CENPE: variants seen among roughly 807,000 people sequenced by gnomAD.
The protein encoded by CENPE is centromere protein E, also known as centromere-associated protein E.
Under a neutral mutation model 336.1 loss-of-function variants are expected in CENPE, and 145 were observed. The observed-to-expected ratio is 0.43, with a 90% CI of 0.38 to 0.50. CENPE has a LOEUF of 0.50. Among genes scored for constraint, CENPE ranks in the 20% least tolerant of loss-of-function variants. The probability of loss-of-function intolerance (pLI) is 0.00; values close to 1 mark genes in which losing one functional copy is unlikely to be tolerated. For synonymous variants in CENPE, 1,013 were observed against 984.8 expected, an observed-to-expected ratio of 1.03 and a Z score of -0.54; for missense variants, 2,719 against 3,023.3, an observed-to-expected ratio of 0.90 and a Z score of 2.36.
At position 103,151,359 on chromosome 4, in the gene CENPE, C is replaced by T. The variant is rs1219725195; in HGVS notation, c.3256G>A (p.Glu1086Lys). The T allele has an allele frequency of 1.9e-6, 3 of 1,580,090 alleles. No individual in the cohort carries two copies. The African/African-American group carries it at 4.1e-5, about 22-fold the overall frequency. ...NIEMTIENQE[E>K]LRLLGDELKK... ...AGTTCATCCCCAAGAAGTCTTAATTCTTCCTGGTTTTCAATGGTCTAGAAA... is the reference window on the plus strand; with the variant it reads ...AGTTCATCCCCAAGAAGTCTTAATTTTTCCTGGTTTTCAATGGTCTAGAAA... Residue 1086 changes from glutamate to lysine, a missense_variant, in exon 26 of 49, where the codon GAA (glutamate) becomes AAA (lysine). Physicochemically the swap from Glu to Lys is moderately conservative, Grantham distance 56. Coordinates refer to ENST00000265148, the MANE Select transcript of CENPE (RefSeq NM_001813.3).
At chr4:103,160,424 A>G (rs958525058) in intron 21 of CENPE, among the ~76,000 whole-genome samples, 1 of 152,004 alleles carries the variant, frequency 6.6e-6, no homozygotes, top group Non-Finnish European at 1.5e-5. Context: ...TACACCTTGA[A>G]AAAATATATT....
intron 42 of CENPE, among the ~76,000 whole-genome samples, chr4:103,129,748 A>AAAAC (rs60074553): frequency 0.35 from 53,176 of 151,578 alleles, 9,478 homozygotes; most frequent in Middle Eastern, 0.47. Flanking sequence ...AATAAAATAA[A>AAAAC]AAACAAAGAT....
At chr4:103,139,245 G>T (rs912062633) in intron 38 of CENPE, among the ~76,000 whole-genome samples, 3 of 152,090 alleles carry the variant, frequency 2.0e-5, no homozygotes, top group African/African-American at 4.8e-5. Context: ...GAATAAAAAA[G>T]ATTTTTACAG....
At chr4:103,143,437 T>C (rs1752734442) in intron 33 of CENPE, 31 bp from the exon 34 acceptor site, 2 of 1,389,082 alleles carry the variant, frequency 1.4e-6, no homozygotes. Flanking sequence ...AAATAATACA[T>C]TGAGAGTAGT....
At chr4:103,154,864 G>A (rs2125955326) in intron 24 of CENPE, among the ~76,000 whole-genome samples, 1 of 152,136 alleles carries the variant, frequency 6.6e-6, no homozygotes, top group Middle Eastern at 3.4e-3. Context: ...TCCAGAAACA[G>A]ACACATCAAG....
At position 103,120,205 on chromosome 4, in the gene CENPE, T is replaced by G; in HGVS notation, c.7272A>C (p.Lys2424Asn). 6.2e-7 allele frequency: 1 copy of G among 1,611,912 alleles called. No homozygotes were observed. The highest frequency in any genetic ancestry group is 8.5e-7 in the Non-Finnish European group (1 of 1,179,220). ...TNDIIAKLQA[K>N]VHESNKCLEK... ...CAAGGCATTTATTTGATTCATGAACTTTGGCTTGAAGTTTTGCTATTATGT... is the reference window on the plus strand; with the variant it reads ...CAAGGCATTTATTTGATTCATGAACGTTGGCTTGAAGTTTTGCTATTATGT... The change falls in exon 44 of 49, where the codon AAA becomes AAC. Residue 2424 changes from lysine to asparagine, a missense_variant. Lys to Asn is a moderately conservative substitution (Grantham distance 94, BLOSUM62 0). This residue lies in a region of CENPE where 2,437 missense variants were observed against 2,513.3 expected (regional missense o/e 0.97). Transcript: ENST00000265148.
intron 8 of CENPE, among the ~76,000 whole-genome samples, chr4:103,190,848 T>TGAA (rs1757247117): frequency 6.6e-6 from 1 of 150,408 alleles, no homozygotes; most frequent in African/African-American, 2.5e-5. Flanking sequence ...ACCATCAGAG[T>TGAA]GAACAGGCAA....
intron 16 of CENPE, among the ~76,000 whole-genome samples, chr4:103,171,481 A>G (rs944989094): frequency 2.0e-5 from 3 of 152,096 alleles, no homozygotes; most frequent in Non-Finnish European, 4.4e-5. Flanking sequence ...ATGGAAACAC[A>G]ATATACCAAA....
At chr4:103,107,643 C>T (rs1749012465) in intron 48 of CENPE, among the ~76,000 whole-genome samples, 1 of 152,152 alleles carries the variant, frequency 6.6e-6, no homozygotes, top group Non-Finnish European at 1.5e-5. Context: ...TGGACAACCT[C>T]CATGCAGAGC....
chr4:103,191,601 G>C (rs1232183722), intron 8 of CENPE, among the ~76,000 whole-genome samples: 1 of 136,166 alleles, frequency 7.3e-6, no homozygotes, highest in Non-Finnish European at 1.5e-5. Flanking sequence ...TGAACAATGA[G>C]AACACGTGGA....
intron 42 of CENPE, among the ~76,000 whole-genome samples, chr4:103,131,325 A>G (rs1032818481): frequency 2.6e-5 from 4 of 152,344 alleles, no homozygotes; most frequent in African/African-American, 7.2e-5. Flanking sequence ...CAGATGACAA[A>G]TAACTATAAA....
chr4:103,131,772 A>G (rs1419621760), intron 42 of CENPE, among the ~76,000 whole-genome samples: 3 of 152,210 alleles, frequency 2.0e-5, no homozygotes, highest in African/African-American at 7.2e-5. Context: ...AGCATTAAAA[A>G]GAAATAAGCT....
intron 42 of CENPE, among the ~76,000 whole-genome samples, chr4:103,128,330 A>G (rs1036511128): frequency 6.6e-6 from 1 of 152,210 alleles, no homozygotes; most frequent in East Asian, 1.9e-4. Context: ...TGGAGACTTC[A>G]ACGCCTCTCT....
In CENPE at chr4:103,148,974, T is replaced by C. The variant is rs1753305296; in HGVS notation, c.3713A>G (p.Lys1238Arg). The C allele has an allele frequency of 1.2e-6, 2 of 1,613,658 alleles. No homozygotes were observed. Among genetic ancestry groups the C allele is most frequent in the East Asian group, 4.5e-5 (2 of 44,832 alleles). Residue 1238 changes from lysine (K) to arginine (R), a missense_variant, in exon 28 of 49, where the codon AAA becomes AGA. Lys to Arg is a conservative substitution (Grantham distance 26). Around this residue, in one of 5 missense-constraint regions of CENPE, gnomAD observed 2,437 missense variants for 2,513.3 expected, o/e 0.97. Transcript: ENST00000265148. ...ATGLQTKEEL[K>R]IAHIHLKEHQ... ...TTCTTTTAGGTGAATATGAGCAATT[T>C]TTAGTTCTTCTTTGGTTTGTAGGCC...
intron 11 of CENPE, chr4:103,181,717 T>A (rs1756340330): frequency 3.8e-6 from 1 of 265,552 alleles, no homozygotes. Context: ...CATTTACCCC[T>A]CAAGGTCCAG....
intron 33 of CENPE, among the ~76,000 whole-genome samples, chr4:103,143,999 C>G (rs1398591003): frequency 6.6e-6 from 1 of 151,782 alleles, no homozygotes. Context: ...TGCAGTGGTG[C>G]GATCTTGGCT....
chr4:103,129,932 A>G (rs1043987355), intron 42 of CENPE, among the ~76,000 whole-genome samples: 2 of 152,218 alleles, frequency 1.3e-5, no homozygotes, highest in African/African-American at 4.8e-5. Context: ...TCACATGATC[A>G]TATCAATGGA....
chr4:103,198,141 C>T lies in CENPE; in HGVS notation c.56+123G>A, dbSNP rs945362834. On this transcript the variant is annotated intron_variant, in intron 1 of 48. Coordinates refer to ENST00000265148, the MANE Select transcript of CENPE (RefSeq NM_001813.3). ...CAGACCCTGAAACGATGGCCAGCAG[C>T]CGAGTCACTAGACAGCAGAGCCGGG... 2.2e-5 allele frequency: 19 copies of T among 875,620 alleles called. No individual in the cohort carries two copies. The African/African-American group carries it at 2.4e-4, about 11-fold the overall frequency. The allele number at this position is 875,620 out of a possible 1,614,324, so 54.2% of individuals were successfully genotyped here. A position where few individuals can be genotyped will look rare whatever the true frequency, so the allele number is the denominator to read the frequency against.
intron 13 of CENPE, among the ~76,000 whole-genome samples, chr4:103,178,815 T>C (rs779875250): frequency 6.6e-6 from 1 of 152,234 alleles, no homozygotes. Context: ...TGGATTCTTC[T>C]TTCTCTGCCT....
Sources: gnomAD v4.1 joint callset for allele counts (sites outside exome capture counted in the v4.1 genomes callset) on GRCh38, gnomAD v4.1.1 for gene constraint, gnomAD v4.1.1 regional missense constraint, MANE v1.5 for transcripts, NCBI Gene and HGNC (gene_info 2026-07-23, HGNC 2026-07-21) for gene names.